Variants in CACNA2D2 observed in about 807,000 individuals in gnomAD.
CACNA2D2 encodes calcium voltage-gated channel auxiliary subunit alpha2delta 2.
Under a neutral mutation model 166.4 loss-of-function variants are expected in CACNA2D2, and 48 were observed. That is an observed-to-expected ratio of 0.29 (90% CI 0.23 to 0.37). The LOEUF (loss-of-function observed/expected upper bound fraction) is 0.37, where lower values mean the gene tolerates loss of function less well. Ranked by LOEUF, CACNA2D2 falls within the 10% of genes least tolerant of loss-of-function variation. The pLI, the probability that CACNA2D2 is intolerant of heterozygous loss-of-function variation, is 1.00. For synonymous variants in CACNA2D2, 561 were observed against 573.7 expected (o/e 0.98, Z 0.32); for missense variants, 1,122 against 1,433.0 (o/e 0.78, Z 3.50).
intron 23 of CACNA2D2, among the ~76,000 whole-genome samples, chr3:50,369,882 G>C (rs370294681): frequency 6.6e-6 from 1 of 152,230 alleles, no homozygotes; most frequent in African/African-American, 2.4e-5. Flanking sequence ...GGCTCTGGCT[G>C]GCTCGGCCCC....
At chr3:50,418,669 GCCT>G (rs1050946934) in intron 3 of CACNA2D2, among the ~76,000 whole-genome samples, 19 of 152,240 alleles carry the variant, frequency 1.2e-4, no homozygotes, top group Non-Finnish European at 1.6e-4. Flanking sequence ...GGCCATGGCC[GCCT>G]CTTCTCTGCG....
intron 3 of CACNA2D2, 23 bp downstream of exon 3, chr3:50,434,290 C>T (rs1366701719): frequency 1.9e-6 from 3 of 1,563,292 alleles, no homozygotes; most frequent in South Asian, 2.2e-5. Context: ...TGCCGCCCCC[C>T]TGCCCCCAAA....
chr3:50,449,620 G>A (rs973970692), intron 2 of CACNA2D2, among the ~76,000 whole-genome samples: 1 of 152,206 alleles, frequency 6.6e-6, no homozygotes, highest in African/African-American at 2.4e-5. Context: ...CAGCCAAGAA[G>A]GCCCAAATCA....
chr3:50,468,442 G>GTGTGTGTGTGTGT (rs1553751798), intron 2 of CACNA2D2, among the ~76,000 whole-genome samples: 6 of 52,596 alleles, frequency 1.1e-4, no homozygotes, highest in East Asian at 1.8e-3. Context: ...TGTGTGTGTG[G>GTGTGTGTGTGTGT]CTTTAGGAAA....
chr3:50,402,354 T>A (rs764746684), intron 3 of CACNA2D2, among the ~76,000 whole-genome samples: 41 of 152,176 alleles, frequency 2.7e-4, no homozygotes, highest in Non-Finnish European at 5.4e-4. Context: ...GCAGGCTGAC[T>A]CAGGAGGACG....
chr3:50,378,333 C>T lies in CACNA2D2; in HGVS notation c.1340G>A (p.Gly447Asp). ...PLQWMACANK[G>D]YYFEIPSIGA... is the part of the protein sequence containing the mutation. Reference sequence around the variant, plus strand: ...GATGGAAGGGATCTCAAAATAGTAGCCTGTGAAGGAAGGAGAGGCAGAGGT... The same window carrying T: ...GATGGAAGGGATCTCAAAATAGTAGTCTGTGAAGGAAGGAGAGGCAGAGGT... The change falls in exon 14 of 38, where the codon GGC becomes GAC. Residue 447 changes from glycine (G) to aspartate (D), a missense_variant and splice_region_variant. By Grantham distance (94) the Gly-to-Asp change is moderately conservative. This residue lies in a region of CACNA2D2 where 840 missense variants were observed against 1,166.8 expected (regional missense o/e 0.72). Transcript: ENST00000424201. 1 of 1,551,730 alleles carries T rather than the reference C, an allele frequency of 6.4e-7. No homozygotes were observed. Among genetic ancestry groups the T allele is most frequent in the Non-Finnish European group, 8.7e-7 (1 of 1,147,178 alleles).
intron 1 of CACNA2D2, among the ~76,000 whole-genome samples, chr3:50,491,957 G>C (rs1698538820): frequency 6.6e-6 from 1 of 152,220 alleles, no homozygotes; most frequent in South Asian, 2.1e-4. Context: ...GAGCCAGAGA[G>C]TAATGGGAAG....
intron 6 of CACNA2D2, among the ~76,000 whole-genome samples, 170 bp downstream of exon 6, chr3:50,384,026 G>T (rs890950803): frequency 1.3e-5 from 2 of 152,244 alleles, no homozygotes; most frequent in Non-Finnish European, 2.9e-5. Flanking sequence ...GTAAGTGCTT[G>T]ATGCCCACAT....
At chr3:50,453,119 C>T (rs148496772) in intron 2 of CACNA2D2, among the ~76,000 whole-genome samples, 2 of 152,324 alleles carry the variant, frequency 1.3e-5, no homozygotes, top group Non-Finnish European at 2.9e-5. Flanking sequence ...ATCACTGAGA[C>T]CCTAACACCA....
chr3:50,386,353 G>A (rs1331646101), intron 5 of CACNA2D2, among the ~76,000 whole-genome samples: 4 of 152,216 alleles, frequency 2.6e-5, no homozygotes, highest in Non-Finnish European at 5.9e-5. Context: ...CAGCCCAGGG[G>A]CTTTGTATGG....
rs116225325 is a variant in CACNA2D2 at position 50,388,244 on chromosome 3, G to A, written c.466-632C>T. ...CATCTGTGCGTCATAATCACCGGCC[G>A]CCCCGGGGACCCGTAACACAAACGG... On this transcript the variant is annotated intron_variant, in intron 4 of 37. Coordinates refer to ENST00000424201, the MANE Select transcript of CACNA2D2 (RefSeq NM_006030.4). Among the ~76,000 whole-genome samples the A allele has an allele frequency of 2.7e-3, 414 of 152,252 alleles. 2 individuals carry two copies. Among genetic ancestry groups the A allele is most frequent in the African/African-American group, 9.6e-3 (399 of 41,538 alleles).
At chr3:50,386,061 A>C (rs113173641) in intron 5 of CACNA2D2, among the ~76,000 whole-genome samples, 20 of 152,166 alleles carry the variant, frequency 1.3e-4, no homozygotes, top group Non-Finnish European at 2.8e-4. Flanking sequence ...AAACAAAACA[A>C]CACAACAAGC....
chr3:50,368,220 G>A lies in CACNA2D2; in HGVS notation c.2061C>T (p.Asp687=), dbSNP rs1300924335. 2 of 1,611,198 alleles carry A rather than the reference G, an allele frequency of 1.2e-6. No homozygotes were observed. Among genetic ancestry groups the A allele is most frequent in the Admixed American group, 1.7e-5 (1 of 60,000 alleles). The change falls in exon 24 of 38, where the codon GAC becomes GAT. Residue 687 remains aspartate, a synonymous_variant. Transcript: ENST00000424201. ...CGGTGTTGTTGTCTGAGGCATTCAGGTCCTTGCAGTACTCTCTAGGGATGG... is the reference window on the plus strand; with the variant it reads ...CGGTGTTGTTGTCTGAGGCATTCAGATCCTTGCAGTACTCTCTAGGGATGG... ...VFIAPREYCK[D]LNASDNNTEF...
At chr3:50,403,236 C>T (rs906629052) in intron 3 of CACNA2D2, among the ~76,000 whole-genome samples, 8 of 152,038 alleles carry the variant, frequency 5.3e-5, no homozygotes, top group Non-Finnish European at 8.8e-5. Flanking sequence ...AGACAGCGAA[C>T]GGGATGGGGA....
chr3:50,413,940 C>T (rs1029936740), intron 3 of CACNA2D2, among the ~76,000 whole-genome samples: 1 of 151,806 alleles, frequency 6.6e-6, no homozygotes, highest in East Asian at 1.9e-4. Context: ...AACCCACCCC[C>T]CTAGTCAGTT....
At chr3:50,430,302 C>A (rs952284264) in intron 3 of CACNA2D2, among the ~76,000 whole-genome samples, 1 of 152,212 alleles carries the variant, frequency 6.6e-6, no homozygotes, top group Non-Finnish European at 1.5e-5. Context: ...ACTGGGGTCA[C>A]CCCTCACCTA....
chr3:50,450,233 C>T (rs955012518), intron 2 of CACNA2D2, among the ~76,000 whole-genome samples: 2 of 152,162 alleles, frequency 1.3e-5, no homozygotes, highest in Non-Finnish European at 2.9e-5. Context: ...GACAGCGGAT[C>T]GGCCTGGCTC....
At chr3:50,372,821 G>A (rs930517191) in intron 22 of CACNA2D2, among the ~76,000 whole-genome samples, 3 of 152,118 alleles carry the variant, frequency 2.0e-5, no homozygotes, top group African/African-American at 7.2e-5. Flanking sequence ...CCAAGGAAAG[G>A]GTTGTGGGCC....
At chr3:50,474,024 G>T (rs1002331461) in intron 2 of CACNA2D2, among the ~76,000 whole-genome samples, 3 of 152,214 alleles carry the variant, frequency 2.0e-5, no homozygotes, top group African/African-American at 4.8e-5. Flanking sequence ...CCCTGCTCTG[G>T]CCCAGCTCCC....
Sources: gnomAD v4.1 joint callset for allele counts (sites outside exome capture counted in the v4.1 genomes callset) on GRCh38, gnomAD v4.1.1 for gene constraint, gnomAD v4.1.1 regional missense constraint, MANE v1.5 for transcripts, NCBI Gene and HGNC (gene_info 2026-07-23, HGNC 2026-07-21) for gene names.